Variants in PDE1C observed in about 807,000 individuals in gnomAD.
PDE1C encodes the protein dual specificity calcium/calmodulin-dependent 3',5'-cyclic nucleotide phosphodiesterase 1C.
In PDE1C, 62 loss-of-function variants were observed where a neutral mutation model predicts 93.1. The observed-to-expected ratio is 0.67, with a 90% CI of 0.54 to 0.82. The LOEUF (loss-of-function observed/expected upper bound fraction) is 0.82, where lower values mean the gene tolerates loss of function less well. Ranked by LOEUF, PDE1C falls within the 40% of genes least tolerant of loss-of-function variation. PDE1C has a pLI of 0.00. For synonymous variants in PDE1C, 325 were observed against 310.1 expected (o/e 1.05, Z -0.50); for missense variants, 742 against 884.6 (o/e 0.84, Z 2.04).
intron 1 of PDE1C, among the ~76,000 whole-genome samples, chr7:32,214,841 G>A (rs549206793): frequency 2.0e-5 from 3 of 152,256 alleles, no homozygotes; most frequent in South Asian, 2.1e-4. Flanking sequence ...CCACCTGGGC[G>A]CTGGGCAGTG....
At chr7:32,070,486 C>T (rs1795914582), upstream of PDE1C, 3 of 1,563,758 alleles carry the variant, frequency 1.9e-6, no homozygotes, top group Non-Finnish European at 2.6e-6. Context: ...CCCAGCCAGG[C>T]GCGGCGCGCG....
chr7:32,103,326 A>G (rs572512355), intron 3 of PDE1C, among the ~76,000 whole-genome samples: 1 of 152,230 alleles, frequency 6.6e-6, no homozygotes, highest in African/African-American at 2.4e-5. Context: ...CTCACTGCAG[A>G]ACCCTGAGAA....
chr7:31,819,622 A>C (rs1195803137), intron 14 of PDE1C, among the ~76,000 whole-genome samples: 1 of 152,060 alleles, frequency 6.6e-6, no homozygotes, highest in Non-Finnish European at 1.5e-5. Flanking sequence ...AGCAGCTAAG[A>C]GTTAAGGTAG....
intron 1 of PDE1C, among the ~76,000 whole-genome samples, chr7:32,358,753 G>T (rs944308803): frequency 1.3e-5 from 2 of 152,164 alleles, no homozygotes; most frequent in African/African-American, 4.8e-5. Flanking sequence ...ACACAGGAAA[G>T]GTAAGTAATT....
intron 1 of PDE1C, among the ~76,000 whole-genome samples, chr7:32,057,330 GT>G (rs949582709): frequency 2.6e-5 from 4 of 152,162 alleles, no homozygotes; most frequent in African/African-American, 9.7e-5. Context: ...CTTAATGTCT[GT>G]TTATGTCCGG....
At chr7:32,191,297 T>C (rs1372743449) in intron 2 of PDE1C, among the ~76,000 whole-genome samples, 2 of 152,210 alleles carry the variant, frequency 1.3e-5, no homozygotes, top group East Asian at 3.8e-4. Context: ...AACCAGAATG[T>C]TGACATTGAT....
intron 1 of PDE1C, among the ~76,000 whole-genome samples, chr7:32,335,302 C>T (rs924242328): frequency 6.6e-6 from 1 of 152,204 alleles, no homozygotes; most frequent in African/African-American, 2.4e-5. Flanking sequence ...CTGCTCCTCA[C>T]TTGGGCCCTA....
intron 1 of PDE1C, among the ~76,000 whole-genome samples, chr7:32,069,188 A>G (rs1795735799): frequency 6.6e-6 from 1 of 152,242 alleles, no homozygotes; most frequent in Admixed American, 6.5e-5. Flanking sequence ...AAAGAAACAC[A>G]TACTACCTTA....
chr7:31,790,944 A>G (rs141689009), intron 16 of PDE1C, among the ~76,000 whole-genome samples: 111 of 152,216 alleles, frequency 7.3e-4, no homozygotes, highest in African/African-American at 2.6e-3. Flanking sequence ...CAAACCCACC[A>G]TATTATTTCT....
Position 31,823,084 on chromosome 7 carries a change from T to G in PDE1C, c.1571A>C (p.Lys524Thr). 6.2e-7 allele frequency: 1 copy of G among 1,610,636 alleles called. No homozygotes were observed. The highest frequency in any genetic ancestry group is 1.1e-5 in the South Asian group (1 of 90,448). ...VHINRERWRA[K>T]VPKEEKAKKE... Reference sequence around the variant, plus strand: ...CTGTGGCATGTTACCTTTGGGTACCTTGGCCCTCCATCTCTCCCGATTGAT... The same window carrying G: ...CTGTGGCATGTTACCTTTGGGTACCGTGGCCCTCCATCTCTCCCGATTGAT... The change falls in exon 14 of 18, where the codon AAG (lysine) becomes ACG (threonine). Residue 524 changes from lysine (K) to threonine (T), a missense_variant. Lys to Thr is a moderately conservative substitution (Grantham distance 78). Transcript: ENST00000396191.
chr7:31,632,393 G>A, the PDE1C span, among the ~76,000 whole-genome samples: 1 of 152,152 alleles, frequency 6.6e-6, no homozygotes, highest in Non-Finnish European at 1.5e-5. Context: ...GTTGCAATGA[G>A]CCGAGATTGT....
At chr7:32,334,232 TATAA>T (rs1279676382) in intron 1 of PDE1C, among the ~76,000 whole-genome samples, 2 of 152,214 alleles carry the variant, frequency 1.3e-5, no homozygotes, top group African/African-American at 4.8e-5. Flanking sequence ...ATTGCAATTA[TATAA>T]ATAAAGATCC....
At chr7:31,805,381 T>TA (rs1786693761) in intron 16 of PDE1C, among the ~76,000 whole-genome samples, 1 of 151,904 alleles carries the variant, frequency 6.6e-6, no homozygotes, top group South Asian at 2.1e-4. Flanking sequence ...TATGGGTAAT[T>TA]AAAACCACAG....
the PDE1C span, among the ~76,000 whole-genome samples, chr7:31,736,272 G>C: frequency 6.6e-6 from 1 of 152,190 alleles, no homozygotes; most frequent in Non-Finnish European, 1.5e-5. Context: ...CCTACAATGA[G>C]GCCTGTAGAC....
chr7:31,949,590 G>T (rs75476360), intron 2 of PDE1C, among the ~76,000 whole-genome samples: 1 of 152,304 alleles, frequency 6.6e-6, no homozygotes, highest in Non-Finnish European at 1.5e-5. Context: ...GTAATAGTGT[G>T]TCTTAAGGAA....
At position 32,159,871 on chromosome 7, in the gene PDE1C, T is replaced by C. The variant is rs544058887; in HGVS notation, c.308+9914A>G. On this transcript the variant is annotated intron_variant, in intron 3 of 18. Transcript: ENST00000396193. ...AGTTTTAGCTTTGCCAGGTTGTCTG[T>C]AGGCTCTTTGTGGTTTGGACAGGCC... Among the ~76,000 whole-genome samples, 8 of 152,300 alleles carry C rather than the reference T, an allele frequency of 5.3e-5. No individual in the cohort carries two copies. The East Asian group carries it at 1.5e-3, about 29-fold the overall frequency.
intron 2 of PDE1C, among the ~76,000 whole-genome samples, chr7:32,043,091 A>G (rs1792066243): frequency 6.6e-6 from 1 of 152,164 alleles, no homozygotes; most frequent in Non-Finnish European, 1.5e-5. Flanking sequence ...GGGGAAGATG[A>G]GATGTTACTG....
intron 1 of PDE1C, among the ~76,000 whole-genome samples, chr7:32,309,219 A>C (rs1813104446): frequency 6.6e-6 from 1 of 152,202 alleles, no homozygotes; most frequent in South Asian, 2.1e-4. Context: ...AAAAGAAACA[A>C]ACAAAGCCTC....
chr7:31,972,847 G>A (rs1329910170), intron 2 of PDE1C, among the ~76,000 whole-genome samples: 4 of 152,076 alleles, frequency 2.6e-5, no homozygotes, highest in African/African-American at 7.2e-5. Context: ...CAGGCAGCCC[G>A]AGGAAGCACT....
Sources: gnomAD v4.1 joint callset for allele counts (sites outside exome capture counted in the v4.1 genomes callset) on GRCh38, gnomAD v4.1.1 for gene constraint, MANE v1.5 for transcripts, NCBI Gene and HGNC (gene_info 2026-07-23, HGNC 2026-07-21) for gene names.